The following OMG variants were observed in gnomAD, a reference collection of about 807,000 sequenced individuals.
The protein encoded by OMG is oligodendrocyte myelin glycoprotein.
In OMG, 9 loss-of-function variants were observed where a neutral mutation model predicts 26.2. The observed-to-expected ratio is 0.34, with a 90% CI of 0.21 to 0.60. The LOEUF is 0.60. Among genes scored for constraint, OMG ranks in the 20% least tolerant of loss-of-function variants. The pLI is 0.80. For synonymous variants in OMG, 179 were observed against 190.4 expected (o/e 0.94, Z 0.49); for missense variants, 402 against 513.6 (o/e 0.78, Z 2.10).
rs1303980914 is a variant in OMG, at chr17:31,295,487, C to T, written c.845G>A (p.Gly282Glu). The change falls in exon 2 of 2, where the codon GGG (glycine) becomes GAG (glutamate). Residue 282 changes from glycine (G) to glutamate (E), a missense_variant. Transcript: ENST00000247271. The part of the protein sequence containing the change: ...GFTSSLFTVS[G>E]MQTVDTINSL... Reference sequence around the variant, plus strand: ...GTTAATGGTGTCCACTGTCTGCATCCCACTTACAGTGAATAAGCTTGAGGT... The same window carrying T: ...GTTAATGGTGTCCACTGTCTGCATCTCACTTACAGTGAATAAGCTTGAGGT... The T allele has an allele frequency of 5.0e-6, 8 of 1,614,090 alleles. No homozygotes were observed. In the East Asian group the frequency reaches 1.8e-4, roughly 36 times the overall value.
rs750685597 is a variant in OMG, at chr17:31,294,926, G to A, written c.*83C>T. On this transcript the variant is annotated 3_prime_UTR_variant, in exon 2 of 2. Coordinates refer to ENST00000247271, the MANE Select transcript of OMG (RefSeq NM_002544.5). ...TTTCTTGAATACTTAAATATAGCTC[G>A]AATCACTGGTTAGATATGGACATAT... The A allele has an allele frequency of 1.9e-5, 29 of 1,562,142 alleles. No homozygotes were observed. Among genetic ancestry groups the A allele is most frequent in the Middle Eastern group, 3.3e-4 (2 of 5,974 alleles).
In OMG at chr17:31,295,586, A is replaced by C; in HGVS notation, c.746T>G (p.Val249Gly). 6.2e-7 allele frequency: 1 copy of C among 1,614,168 alleles called. No homozygotes were observed. Among genetic ancestry groups the C allele is most frequent in the Non-Finnish European group, 8.5e-7 (1 of 1,180,012 alleles). Residue 249 changes from valine (V) to glycine (G), a missense_variant, in exon 2 of 2, where the codon GTG becomes GGG. By Grantham distance (109) the Val-to-Gly change is moderately radical. Coordinates refer to ENST00000247271, the MANE Select transcript of OMG (RefSeq NM_002544.5). ...LKWMMETKAHVIGTPCSTQIS... is the reference protein window; with the variant it reads ...LKWMMETKAHGIGTPCSTQIS... Reference sequence around the variant, plus strand: ...TTGGGTAGAACATGGAGTCCCTATCACATGGGCTTTTGTTTCCATCATCCA... The same window carrying C: ...TTGGGTAGAACATGGAGTCCCTATCCCATGGGCTTTTGTTTCCATCATCCA...
rs2068427928 is a variant in OMG, at chr17:31,294,898, G to A, written c.*111C>T. The A allele has an allele frequency of 1.6e-5, 23 of 1,412,162 alleles. No homozygotes were observed. The highest frequency in any genetic ancestry group is 2.3e-5 in the South Asian group (2 of 85,974). The allele number at this position is 1,412,162 out of a possible 1,614,324, so 87.5% of individuals were successfully genotyped here. A position where few individuals can be genotyped will look rare whatever the true frequency, so the allele number is the denominator to read the frequency against. On this transcript the variant is annotated 3_prime_UTR_variant, in exon 2 of 2. Transcript: ENST00000247271. ...CATCAGAGTTAGAAATGTTAAGACT[G>A]GCTTTCTTGAATACTTAAATATAGC...
chr17:31,296,513 A>C (rs913462386), intron 1 of OMG, 176 bp from the exon 2 acceptor site: 1 of 648,112 alleles, frequency 1.5e-6, no homozygotes, highest in Non-Finnish European at 2.8e-6. Flanking sequence ...CAAATGCTTA[A>C]TCCTTCAATT....
Position 31,296,104 on chromosome 17 carries a change from T to C in OMG, c.228A>G (p.Gln76=), listed in dbSNP as rs763538942. 1.9e-6 allele frequency: 3 copies of C among 1,612,402 alleles called. No homozygotes were observed. The highest frequency in any genetic ancestry group is 3.3e-5 in the Admixed American group (2 of 59,784). ...TGTCCAGGGTCCTCAGATTGGTATATTGGGTTAACTGGTTATGCAGATCAG... is the reference window on the plus strand; with the variant it reads ...TGTCCAGGGTCCTCAGATTGGTATACTGGGTTAACTGGTTATGCAGATCAG... ...HFTDLHNQLT[Q]YTNLRTLDIS... is the part of the protein sequence containing the mutation. The change falls in exon 2 of 2, where the codon CAA becomes CAG. Residue 76 remains glutamine, a synonymous_variant. Coordinates refer to ENST00000247271, the MANE Select transcript of OMG (RefSeq NM_002544.5).
In OMG at chr17:31,295,126, T is replaced by A; in HGVS notation, c.1206A>T (p.Leu402Phe). The A allele has an allele frequency of 6.2e-7, 1 of 1,614,126 alleles. No individual in the cohort carries two copies. Among genetic ancestry groups the A allele is most frequent in the Non-Finnish European group, 8.5e-7 (1 of 1,179,982 alleles). ...CATTTGTGGTTGTCTCTTCCCTCCATAAGTTAAGGGTTGTGCTTTGTTGAG... is the reference window on the plus strand; with the variant it reads ...CATTTGTGGTTGTCTCTTCCCTCCAAAAGTTAAGGGTTGTGCTTTGTTGAG... ...EMPQQSTTLN[L>F]WREETTTNVK... Residue 402 changes from leucine to phenylalanine, a missense_variant, in exon 2 of 2, where the codon TTA becomes TTT. Leu to Phe is a conservative substitution (Grantham distance 22). Transcript: ENST00000247271.
rs945033097 is a variant in OMG at position 31,296,069 on chromosome 17, T to G, written c.263A>C (p.Asn88Thr). ...TNLRTLDISNNRLESLPAHLP... is the reference protein window; with the variant it reads ...TNLRTLDISNTRLESLPAHLP... ...GTGAGCAGGCAGGCTTTCAAGCCTG[T>G]TGTTTGAAATGTCCAGGGTCCTCAG... Residue 88 changes from asparagine (N) to threonine (T), a missense_variant, in exon 2 of 2, where the codon AAC becomes ACC. Transcript: ENST00000247271. 6.2e-6 allele frequency: 10 copies of G among 1,613,730 alleles called. No individual in the cohort carries two copies. The highest frequency in any genetic ancestry group is 7.6e-6 in the Non-Finnish European group (9 of 1,179,916).
Position 31,295,277 on chromosome 17 carries a change from G to C in OMG, c.1055C>G (p.Thr352Ser). Residue 352 changes from threonine to serine, a missense_variant, in exon 2 of 2, where the codon ACT (threonine) becomes AGT (serine). Around this residue, in one of 3 missense-constraint regions of OMG, gnomAD observed 247 missense variants for 274.7 expected, o/e 0.90. Coordinates refer to ENST00000247271, the MANE Select transcript of OMG (RefSeq NM_002544.5). The part of the protein sequence containing the change: ...TINSHEAAAA[T>S]LTIHLQDGMV... Reference sequence around the variant, plus strand: ...TCCATCTTGGAGATGAATAGTTAGAGTTGCAGCTGCTGCTTCATGTGAATT... The same window carrying C: ...TCCATCTTGGAGATGAATAGTTAGACTTGCAGCTGCTGCTTCATGTGAATT... 6.2e-7 allele frequency: 1 copy of C among 1,614,122 alleles called. No homozygotes were observed. Among genetic ancestry groups the C allele is most frequent in the Non-Finnish European group, 8.5e-7 (1 of 1,180,014 alleles).
chr17:31,296,524 G>T, intron 1 of OMG, 187 bp from the exon 2 acceptor site: 1 of 622,214 alleles, frequency 1.6e-6, no homozygotes, highest in Non-Finnish European at 2.9e-6. Context: ...TCCTTCAATT[G>T]GGCTATGTGG....
Position 31,295,269 on chromosome 17 carries a change from T to G in OMG, c.1063A>C (p.Ile355Leu), listed in dbSNP as rs775111007. 8.1e-6 allele frequency: 13 copies of G among 1,613,994 alleles called. No individual in the cohort carries two copies. Among genetic ancestry groups the G allele is most frequent in the African/African-American group, 1.3e-5 (1 of 74,926 alleles). ...SHEAAAATLT[I>L]HLQDGMVTNT... Reference sequence around the variant, plus strand: ...GTGACCATTCCATCTTGGAGATGAATAGTTAGAGTTGCAGCTGCTGCTTCA... The same window carrying G: ...GTGACCATTCCATCTTGGAGATGAAGAGTTAGAGTTGCAGCTGCTGCTTCA... Residue 355 changes from isoleucine (I) to leucine (L), a missense_variant, in exon 2 of 2, where the codon ATT becomes CTT. Physicochemically the swap from Ile to Leu is conservative, Grantham distance 5. Around this residue, in one of 3 missense-constraint regions of OMG, gnomAD observed 247 missense variants for 274.7 expected, o/e 0.90. Transcript: ENST00000247271.
Position 31,295,109 on chromosome 17 carries a change from G to A in OMG, c.1223C>T (p.Thr408Ile), listed in dbSNP as rs1247302813. The change falls in exon 2 of 2, where the codon ACC becomes ATC. Residue 408 changes from threonine to isoleucine, a missense_variant. By Grantham distance (89) the Thr-to-Ile change is moderately conservative (BLOSUM62 -1). This residue lies in a region of OMG where 247 missense variants were observed against 274.7 expected (regional missense o/e 0.90). Coordinates refer to ENST00000247271, the MANE Select transcript of OMG (RefSeq NM_002544.5). Reference sequence around the variant, plus strand: ...AGGTAATGGAGTCTTTACATTTGTGGTTGTCTCTTCCCTCCATAAGTTAAG... The same window carrying A: ...AGGTAATGGAGTCTTTACATTTGTGATTGTCTCTTCCCTCCATAAGTTAAG... ...TTLNLWREET[T>I]TNVKTPLPSV... 1.2e-6 allele frequency: 2 copies of A among 1,614,164 alleles called. No homozygotes were observed. Among genetic ancestry groups the A allele is most frequent in the African/African-American group, 2.7e-5 (2 of 75,052 alleles).
Position 31,294,888 on chromosome 17 carries a change from T to C in OMG, c.*121A>G. ...ACTTCATTTACATCAGAGTTAGAAA[T>C]GTTAAGACTGGCTTTCTTGAATACT... On this transcript the variant is annotated 3_prime_UTR_variant, in exon 2 of 2. Coordinates refer to ENST00000247271, the MANE Select transcript of OMG (RefSeq NM_002544.5). 7.6e-7 allele frequency: 1 copy of C among 1,313,600 alleles called. No individual in the cohort carries two copies. The highest frequency in any genetic ancestry group is 1.1e-6 in the Non-Finnish European group (1 of 917,700). 81.4% of individuals were successfully genotyped at this position (1,313,600 alleles called of 1,614,324 possible). A position where few individuals can be genotyped will look rare whatever the true frequency, so the allele number is the denominator to read the frequency against.
rs954239836 is a variant in OMG, at chr17:31,294,955, C to T, written c.*54G>A. Reference sequence around the variant, plus strand: ...CACTGGTTAGATATGGACATATTTTCCCAACTGTACATCAGGGAGGAGTGC... The same window carrying T: ...CACTGGTTAGATATGGACATATTTTTCCAACTGTACATCAGGGAGGAGTGC... On this transcript the variant is annotated 3_prime_UTR_variant, in exon 2 of 2. Transcript: ENST00000247271. The T allele has an allele frequency of 6.5e-5, 104 of 1,612,386 alleles. No homozygotes were observed. The highest frequency in any genetic ancestry group is 2.2e-4 in the South Asian group (20 of 90,940).
Position 31,295,285 on chromosome 17 carries a change from T to C in OMG, c.1047A>G (p.Ala349=). ...GGAGATGAATAGTTAGAGTTGCAGC[T>C]GCTGCTTCATGTGAATTGATAGTCT... The part of the protein sequence containing the change: ...STETINSHEA[A]AATLTIHLQD... Residue 349 remains alanine, a synonymous_variant, in exon 2 of 2, where the codon GCA becomes GCG. Transcript: ENST00000247271. The C allele has an allele frequency of 6.2e-7, 1 of 1,614,148 alleles. No individual in the cohort carries two copies.
In OMG at chr17:31,294,729, A is replaced by G. The variant is rs2068424057; in HGVS notation, c.*280T>C. The stretch of plus-strand genomic sequence containing the variant: ...ACATATTAAAGTTTAGATGCTTTAT[A>G]TTTTGTGCAATAAATTGAAGCCTTA... On this transcript the variant is annotated 3_prime_UTR_variant, in exon 2 of 2. Transcript: ENST00000247271. 2.1e-6 allele frequency: 1 copy of G among 469,096 alleles called. No individual in the cohort carries two copies. The highest frequency in any genetic ancestry group is 3.9e-6 in the Non-Finnish European group (1 of 258,614). 29.1% of individuals were successfully genotyped at this position (469,096 alleles called of 1,614,324 possible). A position where few individuals can be genotyped will look rare whatever the true frequency, so the allele number is the denominator to read the frequency against.
At position 31,295,727 on chromosome 17, in the gene OMG, T is replaced by G; in HGVS notation, c.605A>C (p.Lys202Thr). The change falls in exon 2 of 2, where the codon AAG (lysine) becomes ACG (threonine). Residue 202 changes from lysine (K) to threonine (T), a missense_variant. Physicochemically the swap from Lys to Thr is moderately conservative, Grantham distance 78. Coordinates refer to ENST00000247271, the MANE Select transcript of OMG (RefSeq NM_002544.5). ...AGATTGGTCTGGAATGAATGTGAAC[T>G]TATTGTTGTGCAGGTAAAGATGTGT... The part of the protein sequence containing the change: ...NLTHLYLHNN[K>T]FTFIPDQSFD... The G allele has an allele frequency of 1.2e-6, 2 of 1,614,168 alleles. No homozygotes were observed. Among genetic ancestry groups the G allele is most frequent in the Non-Finnish European group, 1.7e-6 (2 of 1,180,014 alleles).
Position 31,295,693 on chromosome 17 carries a change from T to G in OMG, c.639A>C (p.Gln213His), listed in dbSNP as rs779884835. 1 of 1,614,040 alleles carries G rather than the reference T, an allele frequency of 6.2e-7. No homozygotes were observed. Residue 213 changes from glutamine (Q) to histidine (H), a missense_variant, in exon 2 of 2, where the codon CAA (glutamine) becomes CAC (histidine). Around this residue, in one of 3 missense-constraint regions of OMG, gnomAD observed 247 missense variants for 274.7 expected, o/e 0.90. Transcript: ENST00000247271. Reference sequence around the variant, plus strand: ...GGGTTATCTCTTGCAACTGAAAGAGTTGGTCAAAAGATTGGTCTGGAATGA... The same window carrying G: ...GGGTTATCTCTTGCAACTGAAAGAGGTGGTCAAAAGATTGGTCTGGAATGA... ...FTFIPDQSFDQLFQLQEITLY... is the reference protein window; with the variant it reads ...FTFIPDQSFDHLFQLQEITLY...
chr17:31,294,714 G>A lies in OMG; in HGVS notation c.*295C>T, dbSNP rs1272955502. ...AAACATACATAAAATACATATTAAA[G>A]TTTAGATGCTTTATATTTTGTGCAA... On this transcript the variant is annotated 3_prime_UTR_variant, in exon 2 of 2. Coordinates refer to ENST00000247271, the MANE Select transcript of OMG (RefSeq NM_002544.5). 2.3e-6 allele frequency: 1 copy of A among 429,834 alleles called. No homozygotes were observed. The highest frequency in any genetic ancestry group is 4.3e-6 in the Non-Finnish European group (1 of 233,926). The allele number at this position is 429,834 out of a possible 1,614,324, so 26.6% of individuals were successfully genotyped here. A position where few individuals can be genotyped will look rare whatever the true frequency, so the allele number is the denominator to read the frequency against.
In OMG at chr17:31,294,682, A is replaced by T; in HGVS notation, c.*327T>A. The T allele has an allele frequency of 2.9e-6, 1 of 345,066 alleles. No homozygotes were observed. Among genetic ancestry groups the T allele is most frequent in the Non-Finnish European group, 5.5e-6 (1 of 183,100 alleles). The allele number at this position is 345,066 out of a possible 1,614,324, so 21.4% of individuals were successfully genotyped here. A position where few individuals can be genotyped will look rare whatever the true frequency, so the allele number is the denominator to read the frequency against. The stretch of plus-strand genomic sequence containing the variant: ...AGACCTTTTATTTTCCAGATGTTTG[A>T]CAGTGTAAACATACATAAAATACAT... On this transcript the variant is annotated 3_prime_UTR_variant, in exon 2 of 2. Coordinates refer to ENST00000247271, the MANE Select transcript of OMG (RefSeq NM_002544.5).
Sources: gnomAD v4.1 joint callset for allele counts on GRCh38, gnomAD v4.1.1 for gene constraint, gnomAD v4.1.1 regional missense constraint, MANE v1.5 for transcripts, NCBI Gene and HGNC (gene_info 2026-07-23, HGNC 2026-07-21) for gene names.